The following STK32B variants were observed in gnomAD, a reference collection of about 807,000 sequenced individuals.
The protein encoded by STK32B is serine/threonine-protein kinase 32B.
STK32B carries 43 observed loss-of-function variants against 52.6 expected under a neutral mutation model. The observed-to-expected ratio is 0.82, with a 90% CI of 0.64 to 1.05. The LOEUF is 1.05. Among genes scored for constraint, STK32B ranks in the 50% least tolerant of loss-of-function variants. STK32B has a pLI of 0.00. For missense variants in STK32B, 621 were observed against 534.6 expected (o/e 1.16, Z -1.59); for synonymous variants, 238 against 204.3 (o/e 1.17, Z -1.41).
chr4:5,379,683 C>G (rs953545949), intron 4 of STK32B, among the ~76,000 whole-genome samples: 14 of 152,248 alleles, frequency 9.2e-5, no homozygotes, highest in Admixed American at 3.3e-4. Context: ...CATTAGAACA[C>G]AGACACACAC....
At chr4:5,316,804 TATATATTA>T (rs1730876104) in intron 3 of STK32B, among the ~76,000 whole-genome samples, 1 of 10,884 alleles carries the variant, frequency 9.2e-5, no homozygotes, top group African/African-American at 1.0e-3. Context: ...TTATATATTA[TATATATTA>T]TATATTATAT....
intron 3 of STK32B, among the ~76,000 whole-genome samples, chr4:5,295,098 C>A (rs2108888337): frequency 6.6e-6 from 1 of 152,220 alleles, no homozygotes; most frequent in Admixed American, 6.5e-5. Context: ...ATATGTTGAA[C>A]CAGCCTTGCA....
intron 6 of STK32B, among the ~76,000 whole-genome samples, chr4:5,419,022 T>TA (rs1357962920): frequency 6.6e-6 from 1 of 152,188 alleles, no homozygotes. Flanking sequence ...AACTTTCTTA[T>TA]TGTCTTCCTT....
chr4:5,402,680 CAG>C (rs1737382842), intron 5 of STK32B, among the ~76,000 whole-genome samples: 2 of 152,196 alleles, frequency 1.3e-5, no homozygotes, highest in African/African-American at 4.8e-5. Flanking sequence ...TCTTACAGGA[CAG>C]AGTGCTGAGT....
chr4:5,371,675 T>C (rs1488107399), intron 4 of STK32B, among the ~76,000 whole-genome samples: 1 of 152,164 alleles, frequency 6.6e-6, no homozygotes. Flanking sequence ...ATCATAAATA[T>C]TTCAGGCTTG....
At chr4:5,373,617 G>T (rs943707923) in intron 4 of STK32B, among the ~76,000 whole-genome samples, 6 of 152,124 alleles carry the variant, frequency 3.9e-5, no homozygotes, top group African/African-American at 1.2e-4. Flanking sequence ...GAATCACTGG[G>T]AGCAGACACC....
At chr4:5,084,454 A>G (rs1415458803) in intron 1 of STK32B, among the ~76,000 whole-genome samples, 1 of 152,204 alleles carries the variant, frequency 6.6e-6, no homozygotes, top group African/African-American at 2.4e-5. Flanking sequence ...GAATATTTTG[A>G]AGACATGAAA....
At chr4:5,485,395 G>C (rs1314090241) in intron 11 of STK32B, among the ~76,000 whole-genome samples, 1 of 151,988 alleles carries the variant, frequency 6.6e-6, no homozygotes, top group Middle Eastern at 3.2e-3. Flanking sequence ...ACTGAGGCTT[G>C]TGCATTCGTC....
chr4:5,176,113 T>G (rs1171220041), intron 3 of STK32B, among the ~76,000 whole-genome samples: 1 of 152,214 alleles, frequency 6.6e-6, no homozygotes, highest in African/African-American at 2.4e-5. Flanking sequence ...GTGCGGGATA[T>G]AATCTCCTGG....
intron 3 of STK32B, among the ~76,000 whole-genome samples, chr4:5,289,799 C>T (rs73089404): frequency 0.11 from 17,130 of 149,570 alleles, 2,720 homozygotes; most frequent in African/African-American, 0.36. Flanking sequence ...TGCCTCGGCC[C>T]CCCAAAGTGC....
chr4:5,281,489 G>A (rs1050739432), intron 3 of STK32B, among the ~76,000 whole-genome samples: 5 of 152,098 alleles, frequency 3.3e-5, no homozygotes, highest in African/African-American at 1.2e-4. Flanking sequence ...TACCTAATGC[G>A]TGCAGGCCCT....
intron 3 of STK32B, among the ~76,000 whole-genome samples, chr4:5,298,225 C>G (rs185500113): frequency 1.9e-4 from 29 of 152,326 alleles, no homozygotes; most frequent in African/African-American, 5.3e-4. Flanking sequence ...CTGTCGACCC[C>G]TGCTGCGAGG....
chr4:5,425,390 A>C (rs1713006139), intron 6 of STK32B, among the ~76,000 whole-genome samples: 1 of 152,176 alleles, frequency 6.6e-6, no homozygotes. Flanking sequence ...TTCCCAGAGA[A>C]AGTGGCAAAG....
intron 3 of STK32B, among the ~76,000 whole-genome samples, chr4:5,176,035 C>T (rs1046053277): frequency 6.6e-6 from 1 of 152,234 alleles, no homozygotes; most frequent in South Asian, 2.1e-4. Flanking sequence ...TGTGGCCTTG[C>T]AGTTAGATCT....
chr4:5,047,886 G>C (rs1005589569), upstream of STK32B, among the ~76,000 whole-genome samples: 2 of 152,202 alleles, frequency 1.3e-5, no homozygotes, highest in South Asian at 2.1e-4. Context: ...CTTGAGAAGA[G>C]ATCATGCTGG....
chr4:5,342,799 T>C (rs774712567), intron 4 of STK32B, among the ~76,000 whole-genome samples: 2 of 152,178 alleles, frequency 1.3e-5, no homozygotes, highest in East Asian at 1.9e-4. Flanking sequence ...GCCTGGCACA[T>C]AGTAAGTGCT....
chr4:5,411,295 A>G (rs574072190), intron 5 of STK32B, among the ~76,000 whole-genome samples: 12 of 152,094 alleles, frequency 7.9e-5, no homozygotes, highest in South Asian at 6.2e-4. Context: ...TCGGCCTCCC[A>G]AAGTGCTGGG....
chr4:5,128,436 G>C (rs1296855078), intron 1 of STK32B, among the ~76,000 whole-genome samples: 1 of 152,156 alleles, frequency 6.6e-6, no homozygotes, highest in Middle Eastern at 3.2e-3. Flanking sequence ...ATTATCTTCT[G>C]TCCTGAGGTT....
intron 3 of STK32B, among the ~76,000 whole-genome samples, chr4:5,320,052 A>C (rs1457832734): frequency 2.6e-5 from 4 of 152,192 alleles, no homozygotes; most frequent in Non-Finnish European, 5.9e-5. Context: ...CACTTGCAGG[A>C]GGGTGGAACA....
Sources: gnomAD v4.1 joint callset for allele counts (sites outside exome capture counted in the v4.1 genomes callset) on GRCh38, gnomAD v4.1.1 for gene constraint, MANE v1.5 for transcripts, NCBI Gene and HGNC (gene_info 2026-07-23, HGNC 2026-07-21) for gene names.